The following ERBB3 variants were observed in gnomAD, a reference collection of about 807,000 sequenced individuals.
ERBB3 encodes erb-b2 receptor tyrosine kinase 3.
ERBB3 carries 96 observed loss-of-function variants against 156.7 expected under a neutral mutation model. The ratio of observed to expected loss-of-function variants is 0.61; its 90% CI spans 0.52 to 0.73. The LOEUF (loss-of-function observed/expected upper bound fraction) is 0.73, where lower values mean the gene tolerates loss of function less well. Among genes scored for constraint, ERBB3 ranks in the 30% least tolerant of loss-of-function variants. The pLI, the probability that ERBB3 is intolerant of heterozygous loss-of-function variation, is 0.00. For synonymous variants in ERBB3, 567 were observed against 632.0 expected (o/e 0.90, Z 1.54); for missense variants, 1,406 against 1,709.4 (o/e 0.82, Z 3.13).
At chr12:56,094,230 G>A (rs745764657) in intron 14 of ERBB3, 41 bp downstream of exon 14, 1 of 1,546,458 alleles carries the variant, frequency 6.5e-7, no homozygotes, top group Non-Finnish European at 8.9e-7. Context: ...AGACAGAGAA[G>A]GGGCAATACT....
rs746010261 is a variant in ERBB3, at chr12:56,087,641, A to C, written c.612A>C (p.Thr204=). 1.9e-5 allele frequency: 31 copies of C among 1,613,916 alleles called. No homozygotes were observed. The highest frequency in any genetic ancestry group is 1.9e-5 in the Non-Finnish European group (23 of 1,179,920). Residue 204 remains threonine (T), a splice_region_variant and synonymous_variant, in exon 5 of 28, where the codon ACA becomes ACC. Transcript: ENST00000267101. The part of the protein sequence containing the change: ...CWGPGSEDCQ[T]LTKTICAPQC... ...GTCCTGGATCAGAAGACTGCCAGACATGTGGGTTTGAAATTCCCTCCAAAA... is the reference window on the plus strand; with the variant it reads ...GTCCTGGATCAGAAGACTGCCAGACCTGTGGGTTTGAAATTCCCTCCAAAA...
Position 56,102,829 on chromosome 12 carries a change from A to AAAAC in ERBB3, c.*777_*778insCAAA, listed in dbSNP as rs1555212771. 3 of 215,326 alleles carry AAAAC rather than the reference A, an allele frequency of 1.4e-5. No individual in the cohort carries two copies. Among genetic ancestry groups the AAAAC allele is most frequent in the African/African-American group, 4.6e-5 (2 of 43,876 alleles). The allele number at this position is 215,326 out of a possible 1,614,324, so 13.3% of individuals were successfully genotyped here. ...TTTAAAAAAAAAAAAAAAAAAAAAA[A>AAAAC]AAAAACTTTAGAACTGGGTGCAGTG... On this transcript the variant is annotated 3_prime_UTR_variant, in exon 28 of 28. Transcript: ENST00000267101.
Position 56,093,863 on chromosome 12 carries a change from G to A in ERBB3, c.1580G>A (p.Gly527Asp), listed in dbSNP as rs1271484598. 1.9e-6 allele frequency: 3 copies of A among 1,613,944 alleles called. No homozygotes were observed. Among genetic ancestry groups the A allele is most frequent in the Non-Finnish European group, 2.5e-6 (3 of 1,179,966 alleles). The change falls in exon 13 of 28, where the codon GGT becomes GAT. Residue 527 changes from glycine (G) to aspartate (D), a missense_variant. Coordinates refer to ENST00000267101, the MANE Select transcript of ERBB3 (RefSeq NM_001982.4). ...TCCTGTCGAAATTATAGCCGAGGAG[G>A]TGTCTGTGTGACCCACTGCAACTTT... ...CLSCRNYSRG[G>D]VCVTHCNFLN...
chr12:56,093,335 T>C lies in ERBB3; in HGVS notation c.1275-10T>C. The C allele has an allele frequency of 6.2e-7, 1 of 1,610,914 alleles. No individual in the cohort carries two copies. The highest frequency in any genetic ancestry group is 8.5e-7 in the Non-Finnish European group (1 of 1,177,284). ...TAGTCTCTCCTCTCATCCTGTCTCC[T>C]TATTCTCAGCCGGGGCTTCTCATTG... On this transcript the variant is annotated splice_polypyrimidine_tract_variant and intron_variant, in intron 11 of 27. Coordinates refer to ENST00000267101, the MANE Select transcript of ERBB3 (RefSeq NM_001982.4).
chr12:56,090,682 C>T (rs1187229897), intron 9 of ERBB3, among the ~76,000 whole-genome samples: 3 of 151,186 alleles, frequency 2.0e-5, no homozygotes, highest in African/African-American at 7.3e-5. Context: ...TCACTTCTCT[C>T]TCTCTCTGTC....
intron 26 of ERBB3, 50 bp from the exon 27 acceptor site, chr12:56,101,011 C>T (rs1298456386): frequency 1.4e-6 from 2 of 1,427,850 alleles, no homozygotes; most frequent in Non-Finnish European, 1.9e-6. Flanking sequence ...CTCTTCTTTC[C>T]TCATCATGTA....
In ERBB3 at chr12:56,089,218, C is replaced by T. The variant is rs1868588383; in HGVS notation, c.1109+350C>T. The T allele has an allele frequency of 8.9e-6, 4 of 448,696 alleles. 1 individual carries two copies. The highest frequency in any genetic ancestry group is 3.2e-5 in the South Asian group (2 of 62,732). 27.8% of individuals were successfully genotyped at this position (448,696 alleles called of 1,614,324 possible). A position where few individuals can be genotyped will look rare whatever the true frequency, so the allele number is the denominator to read the frequency against. On this transcript the variant is annotated intron_variant, in intron 9 of 27. Transcript: ENST00000267101. ...GCGTGATCTCGACTCACTGTAGCCT[C>T]GACCTCCTGGGCTCAAGTGATCCCA...
rs10876872 is a variant in ERBB3, at chr12:56,091,281, T to A, written c.1110-1466T>A. Reference sequence around the variant, plus strand: ...TTGGCTAATTTTATATATATATATATATATATATATATATAAATAATATAT... The same window carrying A: ...TTGGCTAATTTTATATATATATATAAATATATATATATATAAATAATATAT... On this transcript the variant is annotated intron_variant, in intron 9 of 27. Coordinates refer to ENST00000267101, the MANE Select transcript of ERBB3 (RefSeq NM_001982.4). Among the ~76,000 whole-genome samples the A allele has an allele frequency of 7.5e-3, 369 of 49,018 alleles. 8 individuals are homozygous for A. The highest frequency in any genetic ancestry group is 0.014 in the Non-Finnish European group (277 of 19,994). 32.2% of individuals were successfully genotyped at this position (49,018 alleles called of 152,430 possible). A position where few individuals can be genotyped will look rare whatever the true frequency, so the allele number is the denominator to read the frequency against.
intron 1 of ERBB3, among the ~76,000 whole-genome samples, chr12:56,080,724 G>A (rs1039270789): frequency 1.3e-5 from 2 of 152,220 alleles, no homozygotes; most frequent in Non-Finnish European, 2.9e-5. Flanking sequence ...GAGGTGCTTG[G>A]AGGTGGGGGC....
At chr12:56,096,404 T>G in intron 17 of ERBB3, 99 bp from the exon 18 acceptor site, 1 of 1,492,702 alleles carries the variant, frequency 6.7e-7, no homozygotes, top group East Asian at 2.3e-5. Context: ...TTCCTGCCCT[T>G]TCAGCTGTGC....
At chr12:56,081,591 T>A (rs1165403531) in intron 1 of ERBB3, among the ~76,000 whole-genome samples, 1 of 152,078 alleles carries the variant, frequency 6.6e-6, no homozygotes, top group African/African-American at 2.4e-5. Flanking sequence ...AGTGACTGTA[T>A]AACTGTCCCA....
Position 56,088,855 on chromosome 12 carries a change from A to C in ERBB3, c.1096A>C (p.Thr366Pro), listed in dbSNP as rs1349303648. The change falls in exon 9 of 28, where the codon ACC becomes CCC. Residue 366 changes from threonine (T) to proline (P), a missense_variant. Physicochemically the swap from Thr to Pro is conservative, Grantham distance 38. Around this residue, in one of 3 missense-constraint regions of ERBB3, gnomAD observed 979 missense variants for 1,219.6 expected, o/e 0.80. Coordinates refer to ENST00000267101, the MANE Select transcript of ERBB3 (RefSeq NM_001982.4). ...CCTGGGCAACCTGGACTTTCTGATC[A>C]CCGGCCTCAATGGGTTAGAGATCCT... The part of the protein sequence containing the change: ...KILGNLDFLI[T>P]GLNGDPWHKI... 6.2e-7 allele frequency: 1 copy of C among 1,613,940 alleles called. No individual in the cohort carries two copies. The highest frequency in any genetic ancestry group is 8.5e-7 in the Non-Finnish European group (1 of 1,179,988).
chr12:56,094,423 T>C lies in ERBB3; in HGVS notation c.1726T>C (p.Cys576Arg). ...TCAGGGCTCTGATACTTGTGCTCAA[T>C]GTGCCCATTTTCGAGATGGGCCCCA... ...NGSGSDTCAQCAHFRDGPHCV... is the reference protein window; with the variant it reads ...NGSGSDTCAQRAHFRDGPHCV... Residue 576 changes from cysteine to arginine, a missense_variant, in exon 15 of 28, where the codon TGT becomes CGT. By Grantham distance (180) the Cys-to-Arg change is radical. Around this residue, in one of 3 missense-constraint regions of ERBB3, gnomAD observed 979 missense variants for 1,219.6 expected, o/e 0.80. Transcript: ENST00000267101. 6.2e-7 allele frequency: 1 copy of C among 1,614,152 alleles called. No homozygotes were observed. Among genetic ancestry groups the C allele is most frequent in the South Asian group, 1.1e-5 (1 of 91,086 alleles).
At chr12:56,098,282 TGCATCTGTACTCCCAGCTACTCGGGA>T in intron 21 of ERBB3, 192 bp from the exon 22 acceptor site, 1 of 577,258 alleles carries the variant, frequency 1.7e-6, no homozygotes, top group East Asian at 3.0e-5. Flanking sequence ...CGTGGCGGCA[TGCATCTGTACTCCCAGCTACTCGGGA>T]GGCTGAGGCA....
Position 56,096,831 on chromosome 12 carries a change from T to C in ERBB3, c.2259T>C (p.Phe753=), listed in dbSNP as rs1297488464. 1 of 1,613,070 alleles carries C rather than the reference T, an allele frequency of 6.2e-7. No homozygotes were observed. Among genetic ancestry groups the C allele is most frequent in the Non-Finnish European group, 8.5e-7 (1 of 1,179,102 alleles). ...VIEDKSGRQS[F]QAVTDHMLAI... ...AGGACAAGAGTGGACGGCAGAGTTT[T>C]CAAGCTGTGACAGATGTAAGTGAAG... The change falls in exon 19 of 28, where the codon TTT becomes TTC. Residue 753 remains phenylalanine, a synonymous_variant. Transcript: ENST00000267101.
At position 56,088,860 on chromosome 12, in the gene ERBB3, C is replaced by A. The variant is rs777380336; in HGVS notation, c.1101C>A (p.Gly367=). 16 of 1,613,964 alleles carry A rather than the reference C, an allele frequency of 9.9e-6. No homozygotes were observed. The East Asian group carries it at 3.1e-4, about 31-fold the overall frequency. ...GCAACCTGGACTTTCTGATCACCGG[C>A]CTCAATGGGTTAGAGATCCTGCCTT... ...ILGNLDFLIT[G]LNGDPWHKIP... is the part of the protein sequence containing the mutation. The change falls in exon 9 of 28, where the codon GGC becomes GGA. Residue 367 remains glycine (G), a synonymous_variant. Coordinates refer to ENST00000267101, the MANE Select transcript of ERBB3 (RefSeq NM_001982.4).
chr12:56,094,304 G>C, intron 14 of ERBB3, 98 bp from the exon 15 acceptor site: 1 of 1,494,472 alleles, frequency 6.7e-7, no homozygotes, highest in African/African-American at 1.4e-5. Context: ...GCTAGGGCCT[G>C]CAGATAGAAG....
chr12:56,083,695 G>A, intron 1 of ERBB3, 56 bp from the exon 2 acceptor site: 1 of 1,605,186 alleles, frequency 6.2e-7, no homozygotes, highest in Non-Finnish European at 8.5e-7. Context: ...GGGGATGGCA[G>A]ATGGGCTGAG....
At chr12:56,088,474 C>T (rs1474655606) in intron 7 of ERBB3, 69 bp from the exon 8 acceptor site, 2 of 1,234,096 alleles carry the variant, frequency 1.6e-6, no homozygotes, top group Admixed American at 3.4e-5. Context: ...AGGCCCAGAG[C>T]AAGGGTTCCA....
Sources: allele counts gnomAD v4.1 joint callset (sites outside exome capture counted in the v4.1 genomes callset), GRCh38; gene constraint gnomAD v4.1.1; regional missense constraint gnomAD v4.1.1; transcripts MANE v1.5; gene names NCBI Gene and HGNC (gene_info 2026-07-23, HGNC 2026-07-21).